The following KLHL29 variants were observed in gnomAD, a reference collection of about 807,000 sequenced individuals.
The protein encoded by KLHL29 is kelch-like protein 29.
In KLHL29, 21 loss-of-function variants were observed where a neutral mutation model predicts 80.4. The observed-to-expected ratio is 0.26, with a 90% CI of 0.19 to 0.38. The LOEUF (loss-of-function observed/expected upper bound fraction) is 0.38. KLHL29 is among the 10% of genes least tolerant of loss of function. The probability of loss-of-function intolerance (pLI) is 1.00; values close to 1 mark genes in which losing one functional copy is unlikely to be tolerated. For synonymous variants in KLHL29, 511 were observed against 526.8 expected (o/e 0.97, Z 0.41); for missense variants, 867 against 1,223.9 (o/e 0.71, Z 4.35).
intron 2 of KLHL29, among the ~76,000 whole-genome samples, chr2:23,524,737 G>T (rs1321344716): frequency 1.3e-5 from 2 of 152,228 alleles, no homozygotes; most frequent in East Asian, 3.8e-4. Flanking sequence ...CAGAAAGCTG[G>T]ATTTAAAAGT....
chr2:23,642,425 T>C lies in KLHL29; in HGVS notation c.515T>C (p.Phe172Ser). Residue 172 changes from phenylalanine (F) to serine (S), a missense_variant, in exon 5 of 14, where the codon TTC becomes TCC. By Grantham distance (155) the Phe-to-Ser change is radical. Around this residue, in one of 2 missense-constraint regions of KLHL29, gnomAD observed 424 missense variants for 456.9 expected, o/e 0.93. Transcript: ENST00000486442. Reference protein sequence around the residue: ...HSYGVAQPPTFSPAVNVQAPV... With the variant: ...HSYGVAQPPTSSPAVNVQAPV... ...TATGGAGTGGCCCAGCCTCCCACCT[T>C]CAGCCCGGCTGTGAACGTCCAGGCC... The C allele has an allele frequency of 6.7e-7, 1 of 1,491,220 alleles. No individual in the cohort carries two copies. The highest frequency in any genetic ancestry group is 9.0e-7 in the Non-Finnish European group (1 of 1,114,734). 92.4% of individuals were successfully genotyped at this position (1,491,220 alleles called of 1,614,324 possible).
Position 23,642,537 on chromosome 2 carries a change from G to GCCCTCTCAGCCA in KLHL29, c.629_640dup (p.Pro210_Pro213dup), listed in dbSNP as rs1558420812. 6.5e-7 allele frequency: 1 copy of GCCCTCTCAGCCA among 1,539,450 alleles called. No individual in the cohort carries two copies. Among genetic ancestry groups the GCCCTCTCAGCCA allele is most frequent in the Admixed American group, 2.0e-5 (1 of 50,408 alleles). On this transcript the variant is annotated inframe_insertion, in exon 5 of 14. Transcript: ENST00000486442. The stretch of plus-strand genomic sequence containing the variant: ...CAGGCCACTACTCGCTCCCTCAGCC[G>GCCCTCTCAGCCA]CCCTCTCAGCCACTGAGCAGCGTGG...
chr2:23,396,655 A>G (rs895611154), intron 1 of KLHL29, among the ~76,000 whole-genome samples: 4 of 152,196 alleles, frequency 2.6e-5, no homozygotes, highest in East Asian at 3.9e-4. Flanking sequence ...TGCTGTTCCA[A>G]CCAGCTTTAA....
chr2:23,636,555 G>A (rs1669614427), intron 3 of KLHL29, among the ~76,000 whole-genome samples: 2 of 152,152 alleles, frequency 1.3e-5, no homozygotes, highest in Non-Finnish European at 1.5e-5. Context: ...CTGCACACCC[G>A]GGATACCCCA....
At chr2:23,450,355 C>T (rs559943436) in intron 1 of KLHL29, among the ~76,000 whole-genome samples, 7 of 152,202 alleles carry the variant, frequency 4.6e-5, no homozygotes, top group South Asian at 2.1e-4. Context: ...GCTTAGATTG[C>T]GGCCTGCACA....
intron 1 of KLHL29, among the ~76,000 whole-genome samples, chr2:23,386,640 A>G (rs1376178526): frequency 6.6e-6 from 1 of 152,028 alleles, no homozygotes; most frequent in Non-Finnish European, 1.5e-5. Flanking sequence ...GGGGGAGCCC[A>G]GGGCTCGCGT....
chr2:23,401,961 C>T (rs886252989), intron 1 of KLHL29, among the ~76,000 whole-genome samples: 1 of 152,228 alleles, frequency 6.6e-6, no homozygotes, highest in Non-Finnish European at 1.5e-5. Flanking sequence ...GGAAAATGAT[C>T]ACCTCACCTT....
chr2:23,392,075 G>A (rs1238486674), intron 1 of KLHL29, among the ~76,000 whole-genome samples: 2 of 152,210 alleles, frequency 1.3e-5, no homozygotes, highest in African/African-American at 4.8e-5. Flanking sequence ...GGAAGAAGCA[G>A]TAGTGGCTAT....
At chr2:23,701,787 TTTTTGC>T (rs200795666) in intron 11 of KLHL29, among the ~76,000 whole-genome samples, 46,316 of 115,708 alleles carry the variant, frequency 0.4, 11,354 homozygotes, top group East Asian at 0.76. Context: ...ACATGGCTTT[TTTTTGC>T]TTTTTTTTTT....
chr2:23,485,642 G>T (rs1664914741), intron 2 of KLHL29, among the ~76,000 whole-genome samples: 1 of 152,200 alleles, frequency 6.6e-6, no homozygotes, highest in East Asian at 1.9e-4. Flanking sequence ...TCCATATTCA[G>T]AGGGTCCTCA....
At chr2:23,478,703 G>A (rs772662698) in intron 2 of KLHL29, among the ~76,000 whole-genome samples, 9 of 152,104 alleles carry the variant, frequency 5.9e-5, no homozygotes, top group Admixed American at 2.6e-4. Context: ...AGTGCTGATC[G>A]TCACTGGTGC....
Position 23,681,799 on chromosome 2 carries a change from T to C in KLHL29, c.941-2600T>C, listed in dbSNP as rs190681356. Among the ~76,000 whole-genome samples, 53 of 152,272 alleles carry C rather than the reference T, an allele frequency of 3.5e-4. No individual in the cohort carries two copies. The East Asian group carries it at 9.7e-3, about 28-fold the overall frequency. ...TACCGCTTCACTCAAAAAGGGGATGTCATCTACCTGGCTCGTGGTTTGGGC... is the reference window on the plus strand; with the variant it reads ...TACCGCTTCACTCAAAAAGGGGATGCCATCTACCTGGCTCGTGGTTTGGGC... On this transcript the variant is annotated intron_variant, in intron 5 of 13. Transcript: ENST00000486442. The surrounding 1 kb of genome is among the most constrained non-coding windows in gnomAD (Gnocchi z 4.2).
intron 2 of KLHL29, among the ~76,000 whole-genome samples, chr2:23,558,244 G>A (rs963126505): frequency 4.6e-5 from 7 of 152,180 alleles, no homozygotes; most frequent in African/African-American, 1.7e-4. Context: ...TAGGGATGCA[G>A]TGTCCCTGAG....
intron 2 of KLHL29, among the ~76,000 whole-genome samples, chr2:23,553,554 C>G (rs1379791920): frequency 6.6e-6 from 1 of 152,202 alleles, no homozygotes. Context: ...TGCCGAACAC[C>G]TCACCCCCTG....
At position 23,681,844 on chromosome 2, in the gene KLHL29, C is replaced by G. The variant is rs1403937715; in HGVS notation, c.941-2555C>G. ...TTGGGCATTAATTCGGCTGGTGACT[C>G]TTTCTGGAGATACGTGTGAGCATGG... On this transcript the variant is annotated intron_variant, in intron 5 of 13. Coordinates refer to ENST00000486442, the MANE Select transcript of KLHL29 (RefSeq NM_052920.2). This position sits in a 1 kb window ranked among gnomAD's most constrained non-coding sequence, Gnocchi z 4.2. 1.3e-5 allele frequency among the ~76,000 whole-genome samples: 2 copies of G among 152,208 alleles called. No individual in the cohort carries two copies. The highest frequency in any genetic ancestry group is 6.5e-5 in the Admixed American group (1 of 15,284).
intron 2 of KLHL29, among the ~76,000 whole-genome samples, chr2:23,499,499 C>T (rs530249495): frequency 6.6e-6 from 1 of 152,306 alleles, no homozygotes; most frequent in Admixed American, 6.5e-5. Flanking sequence ...CTTTAGGTGA[C>T]TTGGTGACGT....
At chr2:23,573,134 A>C (rs912928919) in intron 3 of KLHL29, among the ~76,000 whole-genome samples, 3 of 152,164 alleles carry the variant, frequency 2.0e-5, no homozygotes, top group African/African-American at 7.2e-5. Flanking sequence ...ACATCATTGG[A>C]GCTTTTGCTG....
chr2:23,537,229 G>A (rs1214913782), intron 2 of KLHL29, among the ~76,000 whole-genome samples: 7 of 152,110 alleles, frequency 4.6e-5, no homozygotes, highest in African/African-American at 1.7e-4. Flanking sequence ...CCCTTCATGG[G>A]CAGTGCTGCC....
intron 3 of KLHL29, among the ~76,000 whole-genome samples, chr2:23,635,424 A>C (rs1572454928): frequency 2.0e-5 from 3 of 152,232 alleles, no homozygotes; most frequent in African/African-American, 7.2e-5. Flanking sequence ...GAGTGAACCC[A>C]CGTGTCCTCT....
Sources: gnomAD v4.1 joint callset for allele counts (sites outside exome capture counted in the v4.1 genomes callset) on GRCh38, gnomAD v4.1.1 for gene constraint, gnomAD v4.1.1 regional missense constraint, Gnocchi (gnomAD v3.1) non-coding constraint, MANE v1.5 for transcripts, NCBI Gene and HGNC (gene_info 2026-07-23, HGNC 2026-07-21) for gene names.